Variants in SEMA6B observed in about 807,000 individuals in gnomAD.
SEMA6B encodes semaphorin-6B.
A neutral mutation model predicts 78.6 loss-of-function variants in SEMA6B; 47 were observed. The observed-to-expected ratio is 0.60, with a 90% CI of 0.47 to 0.76. The LOEUF (loss-of-function observed/expected upper bound fraction) is 0.76. Ranked by LOEUF, SEMA6B falls within the 30% of genes least tolerant of loss-of-function variation. SEMA6B has a pLI of 0.00. For missense variants in SEMA6B, 1,213 were observed against 1,269.9 expected, an observed-to-expected ratio of 0.96 and a Z score of 0.68; for synonymous variants, 632 against 592.2, an observed-to-expected ratio of 1.07 and a Z score of -0.98.
At position 4,542,935 on chromosome 19, in the gene SEMA6B, C is replaced by T. The variant is rs1000153266; in HGVS notation, c.*666G>A. ...GGGTTCAAACTCCTAACCGGCACCT[C>T]GGAGACCCCCGGGCCTTCTGGAAGC... On this transcript the variant is annotated 3_prime_UTR_variant, in exon 17 of 17. Coordinates refer to ENST00000586582, the MANE Select transcript of SEMA6B (RefSeq NM_032108.4). 11 of 700,746 alleles carry T rather than the reference C, an allele frequency of 1.6e-5. No homozygotes were observed. The Admixed American group carries it at 1.6e-4, about 10-fold the overall frequency. 43.4% of individuals were successfully genotyped at this position (700,746 alleles called of 1,614,324 possible).
chr19:4,555,876 G>C lies in SEMA6B; in HGVS notation c.471+112C>G. Reference sequence around the variant, plus strand: ...GAGGAGGCAGGGAGAGTATATCCAGGAAGGCTTCCTGGAGGAGGTGACACG... The same window carrying C: ...GAGGAGGCAGGGAGAGTATATCCAGCAAGGCTTCCTGGAGGAGGTGACACG... On this transcript the variant is annotated intron_variant, in intron 6 of 16. Transcript: ENST00000586582. The surrounding 1 kb of genome is among the most constrained non-coding windows in gnomAD (Gnocchi z 6.1). 1.1e-6 allele frequency: 1 copy of C among 872,020 alleles called. No individual in the cohort carries two copies. The allele number at this position is 872,020 out of a possible 1,614,324, so 54.0% of individuals were successfully genotyped here. A position where few individuals can be genotyped will look rare whatever the true frequency, so the allele number is the denominator to read the frequency against.
chr19:4,543,541 A>G lies in SEMA6B; in HGVS notation c.*60T>C. 1.1e-6 allele frequency: 1 copy of G among 948,236 alleles called. No homozygotes were observed. Among genetic ancestry groups the G allele is most frequent in the Non-Finnish European group, 1.4e-6 (1 of 728,214 alleles). The allele number at this position is 948,236 out of a possible 1,614,324, so 58.7% of individuals were successfully genotyped here. On this transcript the variant is annotated 3_prime_UTR_variant, in exon 17 of 17. Transcript: ENST00000586582. ...TTGCCCCGGGCCCCGGCGTTCTGGC[A>G]CCGTCTCTCGCTCCTGGTTCCCGTG...
rs543894851 is a variant in SEMA6B, at chr19:4,550,493, G to A, written c.1122-221C>T. Reference sequence around the variant, plus strand: ...ATTCTCCTGCTTCAGCCACCCGAGTGGCTGGGATTACAGGCACGTGCCATC... The same window carrying A: ...ATTCTCCTGCTTCAGCCACCCGAGTAGCTGGGATTACAGGCACGTGCCATC... On this transcript the variant is annotated intron_variant, in intron 11 of 16. Coordinates refer to ENST00000586582, the MANE Select transcript of SEMA6B (RefSeq NM_032108.4). The surrounding 1 kb of genome is among the most constrained non-coding windows in gnomAD (Gnocchi z 6.6). 9.9e-5 allele frequency among the ~76,000 whole-genome samples: 15 copies of A among 152,186 alleles called. No individual in the cohort carries two copies. The highest frequency in any genetic ancestry group is 1.9e-4 in the East Asian group (1 of 5,152).
At position 4,543,576 on chromosome 19, in the gene SEMA6B, G is replaced by T; in HGVS notation, c.*25C>A. On this transcript the variant is annotated 3_prime_UTR_variant, in exon 17 of 17. Coordinates refer to ENST00000586582, the MANE Select transcript of SEMA6B (RefSeq NM_032108.4). ...GCTCCTGGTTCCCGTGGCTGGCACTGCCAAGGCATCGGGGGGCCCCCGGCC... is the reference window on the plus strand; with the variant it reads ...GCTCCTGGTTCCCGTGGCTGGCACTTCCAAGGCATCGGGGGGCCCCCGGCC... The T allele has an allele frequency of 1.7e-6, 2 of 1,177,970 alleles. No individual in the cohort carries two copies. The highest frequency in any genetic ancestry group is 2.1e-6 in the Non-Finnish European group (2 of 935,776). 73.0% of individuals were successfully genotyped at this position (1,177,970 alleles called of 1,614,324 possible).
chr19:4,554,358 C>T (rs755578778), intron 9 of SEMA6B, 30 bp downstream of exon 9: 1 of 1,560,710 alleles, frequency 6.4e-7, no homozygotes, highest in African/African-American at 1.4e-5. Context: ...CAGAGCCTCT[C>T]AACTTCATGC....
intron 15 of SEMA6B, 38 bp from the exon 16 acceptor site, chr19:4,546,312 C>T (rs760925966): frequency 3.7e-5 from 60 of 1,609,776 alleles, no homozygotes; most frequent in Non-Finnish European, 5.0e-5. Flanking sequence ...AGAGGCCCCT[C>T]TCACAGTCAG....
At chr19:4,547,219 CCTT>C (rs1977193497) in intron 14 of SEMA6B, among the ~76,000 whole-genome samples, 1 of 152,152 alleles carries the variant, frequency 6.6e-6, no homozygotes, top group Non-Finnish European at 1.5e-5. Context: ...AGTCCTCCTG[CCTT>C]GGCCTCCCAA....
rs539995864 is a variant in SEMA6B at position 4,550,450 on chromosome 19, A to G, written c.1122-178T>C. Among the ~76,000 whole-genome samples the G allele has an allele frequency of 7.9e-5, 12 of 151,856 alleles. No individual in the cohort carries two copies. The East Asian group carries it at 1.9e-3, about 25-fold the overall frequency. On this transcript the variant is annotated intron_variant, in intron 11 of 16. Coordinates refer to ENST00000586582, the MANE Select transcript of SEMA6B (RefSeq NM_032108.4). This position sits in a 1 kb window ranked among gnomAD's most constrained non-coding sequence, Gnocchi z 6.6. ...AGTGCTTTGGCTCACTGCAACCTCC[A>G]CCTCCTGGGTTCAAGCGATTCTCCT...
At position 4,552,719 on chromosome 19, in the gene SEMA6B, C is replaced by A; in HGVS notation, c.772-80G>T. 2.9e-6 allele frequency: 4 copies of A among 1,363,280 alleles called. No homozygotes were observed. Among genetic ancestry groups the A allele is most frequent in the Non-Finnish European group, 3.0e-6 (3 of 997,276 alleles). 84.4% of individuals were successfully genotyped at this position (1,363,280 alleles called of 1,614,324 possible). Reference sequence around the variant, plus strand: ...GTTCACAGGCTGTGCCACTCACCACCCAAACTGTGATGGAGGAGTCTGACC... The same window carrying A: ...GTTCACAGGCTGTGCCACTCACCACACAAACTGTGATGGAGGAGTCTGACC... On this transcript the variant is annotated intron_variant, in intron 9 of 16. Coordinates refer to ENST00000586582, the MANE Select transcript of SEMA6B (RefSeq NM_032108.4). This position sits in a 1 kb window ranked among gnomAD's most constrained non-coding sequence, Gnocchi z 7.4.
At position 4,548,268 on chromosome 19, in the gene SEMA6B, C is replaced by A; in HGVS notation, c.1449G>T (p.Pro483=). Residue 483 remains proline (P), a synonymous_variant, in exon 13 of 17, where the codon CCG becomes CCT. Coordinates refer to ENST00000586582, the MANE Select transcript of SEMA6B (RefSeq NM_032108.4). ...CCACCTTTGCCCAGACTTACCTGTC[C>A]GGCCGGTAGGTCTCAAACTCCTCCA... ...VFLEEFETYR[P]DRCGRPGGGE... The A allele has an allele frequency of 6.2e-7, 1 of 1,606,944 alleles. No homozygotes were observed. The highest frequency in any genetic ancestry group is 8.5e-7 in the Non-Finnish European group (1 of 1,174,296).
chr19:4,557,301 G>A, intron 3 of SEMA6B, 78 bp from the exon 4 acceptor site: 1 of 1,010,446 alleles, frequency 9.9e-7, no homozygotes. Context: ...TGCCAATGTG[G>A]TGTGCACACG....
chr19:4,557,369 C>G (rs1977501546), intron 3 of SEMA6B, 146 bp from the exon 4 acceptor site: 3 of 621,600 alleles, frequency 4.8e-6, no homozygotes, highest in Non-Finnish European at 8.4e-6. Context: ...GCCGACCACA[C>G]CCCCCCAAGG....
rs1977351118 is a variant in SEMA6B at position 4,552,222 on chromosome 19, TC to T, written c.989+199del. 6.6e-6 allele frequency among the ~76,000 whole-genome samples: 1 copy of T among 152,164 alleles called. No homozygotes were observed. The highest frequency in any genetic ancestry group is 2.4e-5 in the African/African-American group (1 of 41,430). ...TCCCCAAAGGCAGAGGATGAGGATATCTTTGGCCCAGTTCTGACCAAAGGGA... is the reference window on the plus strand; with the variant it reads ...TCCCCAAAGGCAGAGGATGAGGATATTTTGGCCCAGTTCTGACCAAAGGGA... On this transcript the variant is annotated intron_variant, in intron 10 of 16. Transcript: ENST00000586582. The surrounding 1 kb of genome is among the most constrained non-coding windows in gnomAD (Gnocchi z 7.4).
chr19:4,555,122 G>A lies in SEMA6B; in HGVS notation c.563-27C>T. 6.2e-7 allele frequency: 1 copy of A among 1,612,350 alleles called. No individual in the cohort carries two copies. The highest frequency in any genetic ancestry group is 1.1e-5 in the South Asian group (1 of 91,032). ...TGGATGGGGTGGGTGGGGAAGGCAGGCAAGAGATGAGACCGCAGAGGCCAG... is the reference window on the plus strand; with the variant it reads ...TGGATGGGGTGGGTGGGGAAGGCAGACAAGAGATGAGACCGCAGAGGCCAG... On this transcript the variant is annotated intron_variant, in intron 7 of 16. Coordinates refer to ENST00000586582, the MANE Select transcript of SEMA6B (RefSeq NM_032108.4). This position sits in a 1 kb window ranked among gnomAD's most constrained non-coding sequence, Gnocchi z 6.1.
intron 10 of SEMA6B, among the ~76,000 whole-genome samples, chr19:4,551,864 C>CA (rs964572340): frequency 6.7e-6 from 1 of 150,228 alleles, no homozygotes; most frequent in Non-Finnish European, 1.5e-5. Context: ...AACAAACAAA[C>CA]AAAAAATGCA....
At chr19:4,557,940 ATCCCC>A (rs1568259578) in intron 3 of SEMA6B, 81 bp downstream of exon 3, 16 of 1,182,900 alleles carry the variant, frequency 1.4e-5, no homozygotes, top group Non-Finnish European at 1.8e-5. Flanking sequence ...GACCTGCTCC[ATCCCC>A]TCCCTGCCCT....
At position 4,543,591 on chromosome 19, in the gene SEMA6B, G is replaced by T. The variant is rs1336739320; in HGVS notation, c.*10C>A. On this transcript the variant is annotated 3_prime_UTR_variant, in exon 17 of 17. Transcript: ENST00000586582. ...GGCTGGCACTGCCAAGGCATCGGGG[G>T]GCCCCCGGCCTAGGGCACGGGGGGC... is the stretch of plus-strand genomic sequence containing the variant. 4 of 1,220,816 alleles carry T rather than the reference G, an allele frequency of 3.3e-6. No homozygotes were observed. The highest frequency in any genetic ancestry group is 4.1e-6 in the Non-Finnish European group (4 of 974,804). 75.6% of individuals were successfully genotyped at this position (1,220,816 alleles called of 1,614,324 possible).
At position 4,558,167 on chromosome 19, in the gene SEMA6B, G is replaced by C. The variant is rs752803229; in HGVS notation, c.122-18C>G. The C allele has an allele frequency of 2.1e-6, 3 of 1,436,920 alleles. No homozygotes were observed. In the South Asian group the frequency reaches 4.5e-5, roughly 21 times the overall value. The allele number at this position is 1,436,920 out of a possible 1,614,324, so 89.0% of individuals were successfully genotyped here. A position where few individuals can be genotyped will look rare whatever the true frequency, so the allele number is the denominator to read the frequency against. ...GTTCAGGTCTGAGTGAGGGGGTGGA[G>C]AGGGGTGTGAGCAAGGGCTGGGGGT... On this transcript the variant is annotated intron_variant, in intron 2 of 16. Coordinates refer to ENST00000586582, the MANE Select transcript of SEMA6B (RefSeq NM_032108.4). This position sits in a 1 kb window ranked among gnomAD's most constrained non-coding sequence, Gnocchi z 5.1.
rs545629593 is a variant in SEMA6B, at chr19:4,550,745, C to T, written c.1121+54G>A. 28 of 1,602,380 alleles carry T rather than the reference C, an allele frequency of 1.7e-5. No homozygotes were observed. In the African/African-American group the frequency reaches 3.2e-4, roughly 18 times the overall value. ...CACCCGGAAGCCCCAGCCCTCGGCC[C>T]TGGGGATCAGGACCTCATCCGGGCA... On this transcript the variant is annotated intron_variant, in intron 11 of 16. Coordinates refer to ENST00000586582, the MANE Select transcript of SEMA6B (RefSeq NM_032108.4). The surrounding 1 kb of genome is among the most constrained non-coding windows in gnomAD (Gnocchi z 6.6).
Sources: allele counts gnomAD v4.1 joint callset (sites outside exome capture counted in the v4.1 genomes callset), GRCh38; gene constraint gnomAD v4.1.1; non-coding constraint Gnocchi (gnomAD v3.1); transcripts MANE v1.5; gene names NCBI Gene and HGNC (gene_info 2026-07-23, HGNC 2026-07-21).